Variants in SMCHD1 observed in about 807,000 individuals in gnomAD.
The protein encoded by SMCHD1 is structural maintenance of chromosomes flexible hinge domain-containing protein 1.
SMCHD1 carries 78 observed loss-of-function variants against 254.7 expected under a neutral mutation model. That is an observed-to-expected ratio of 0.31 (90% CI 0.26 to 0.37). The LOEUF (loss-of-function observed/expected upper bound fraction) is 0.37. SMCHD1 is among the 10% of genes least tolerant of loss of function. SMCHD1 has a pLI of 1.00. For missense variants in SMCHD1, 1,840 were observed against 2,408.1 expected (o/e 0.76, Z 4.94); for synonymous variants, 766 against 794.9 (o/e 0.96, Z 0.61).
Position 2,682,522 on chromosome 18 carries a change from A to G in SMCHD1, c.639-5872A>G, listed in dbSNP as rs533984412. On this transcript the variant is annotated intron_variant, in intron 5 of 47. Coordinates refer to ENST00000320876, the MANE Select transcript of SMCHD1 (RefSeq NM_015295.3). ...CTTTTAGTAGAGGTGAGGTTTCACT[A>G]TGTTGGCCAGGCTAGTCTTGAACTC... Among the ~76,000 whole-genome samples, 13 of 152,170 alleles carry G rather than the reference A, an allele frequency of 8.5e-5. No individual in the cohort carries two copies. In the East Asian group the frequency reaches 2.3e-3, roughly 27 times the overall value.
chr18:2,772,301 C>G lies in SMCHD1; in HGVS notation c.5104C>G (p.Leu1702Val). The G allele has an allele frequency of 1.2e-6, 2 of 1,607,696 alleles. No homozygotes were observed. The highest frequency in any genetic ancestry group is 1.7e-6 in the Non-Finnish European group (2 of 1,177,616). ...AAGAAAGCTATCAGAACAAGAAGAA[C>G]TGAAGAAAAAACCTAGAAGATCGTG... ...LKRKLSEQEE[L>V]KKKPRRSCTL... The change falls in exon 41 of 48, where the codon CTG becomes GTG. Residue 1702 changes from leucine (L) to valine (V), a missense_variant. Around this residue, in one of 9 missense-constraint regions of SMCHD1, gnomAD observed 881 missense variants for 1,009.5 expected, o/e 0.87. Transcript: ENST00000320876.
At chr18:2,709,815 A>C (rs939585399) in intron 17 of SMCHD1, among the ~76,000 whole-genome samples, 1 of 152,156 alleles carries the variant, frequency 6.6e-6, no homozygotes, top group Non-Finnish European at 1.5e-5. Context: ...TTATCAGATA[A>C]ATGATTTACA....
At chr18:2,666,819 T>C in intron 2 of SMCHD1, 51 bp from the exon 3 acceptor site, 1 of 1,427,138 alleles carries the variant, frequency 7.0e-7, no homozygotes, top group Non-Finnish European at 9.6e-7. Context: ...TATAAGTTCA[T>C]TGAGTTTCTG....
intron 17 of SMCHD1, among the ~76,000 whole-genome samples, chr18:2,714,867 A>G (rs1168773184): frequency 1.3e-5 from 2 of 152,028 alleles, no homozygotes; most frequent in African/African-American, 2.4e-5. Context: ...TACCCCCAGC[A>G]CTTTGAAAAC....
At chr18:2,685,143 A>G (rs1184787240) in intron 5 of SMCHD1, among the ~76,000 whole-genome samples, 1 of 103,076 alleles carries the variant, frequency 9.7e-6, no homozygotes, top group Non-Finnish European at 1.8e-5. Context: ...TCTTTTGCCC[A>G]GGCCGGACTG....
chr18:2,746,950 A>G (rs2075465114), intron 29 of SMCHD1, among the ~76,000 whole-genome samples: 1 of 152,192 alleles, frequency 6.6e-6, no homozygotes, highest in African/African-American at 2.4e-5. Context: ...AATCAGCAAG[A>G]CAGTGTAGAT....
intron 30 of SMCHD1, among the ~76,000 whole-genome samples, chr18:2,748,376 G>GTATA (rs762343246): frequency 1.4e-4 from 4 of 27,988 alleles, no homozygotes; most frequent in East Asian, 1.4e-3. Context: ...GTGTGTGTGT[G>GTATA]TGTGTGTATA....
intron 12 of SMCHD1, chr18:2,702,081 G>T (rs2074413018): frequency 1.3e-5 from 2 of 151,708 alleles, no homozygotes; most frequent in Admixed American, 1.3e-4. Flanking sequence ...TGAGCAGTGG[G>T]TGTTTTCAAA....
At chr18:2,769,663 G>A (rs2075939634) in intron 37 of SMCHD1, 31 bp from the exon 38 acceptor site, 1 of 1,566,680 alleles carries the variant, frequency 6.4e-7, no homozygotes, top group Non-Finnish European at 8.7e-7. Context: ...TTTAAATCTT[G>A]TTTTCCCCTA....
chr18:2,690,118 TAAA>T lies in SMCHD1; in HGVS notation c.873+1374_873+1376del, dbSNP rs34977623. On this transcript the variant is annotated intron_variant, in intron 7 of 47. Transcript: ENST00000320876. ...ACTTTATAGAAAAGCCTAAGGAAGA[TAAA>T]AATACTCCCAAGTCCTAGAGAAGCC... 3.3e-3 allele frequency among the ~76,000 whole-genome samples: 502 copies of T among 152,276 alleles called. 2 individuals are homozygous for T. The highest frequency in any genetic ancestry group is 5.1e-3 in the Non-Finnish European group (348 of 67,998).
At chr18:2,658,860 A>G (rs1317984231) in intron 1 of SMCHD1, among the ~76,000 whole-genome samples, 1 of 150,786 alleles carries the variant, frequency 6.6e-6, no homozygotes, top group Non-Finnish European at 1.5e-5. Flanking sequence ...GTATATATAC[A>G]TATATATACA....
intron 25 of SMCHD1, among the ~76,000 whole-genome samples, chr18:2,734,795 C>T (rs1001699438): frequency 6.6e-6 from 1 of 151,798 alleles, no homozygotes; most frequent in Admixed American, 6.6e-5. Flanking sequence ...ACGGGCCAGG[C>T]GTGGTGGCTC....
intron 10 of SMCHD1, among the ~76,000 whole-genome samples, chr18:2,698,726 G>A (rs1008845421): frequency 5.3e-5 from 8 of 151,424 alleles, no homozygotes; most frequent in African/African-American, 1.9e-4. Context: ...TTTTCTATGT[G>A]GTATTCATAT....
At chr18:2,658,867 TACACACATACACAC>T in intron 1 of SMCHD1, among the ~76,000 whole-genome samples, 1 of 150,520 alleles carries the variant, frequency 6.6e-6, no homozygotes, top group Non-Finnish European at 1.5e-5. Flanking sequence ...TACATATATA[TACACACATACACAC>T]ATATATACAC....
chr18:2,769,946 T>G, intron 38 of SMCHD1, 43 bp from the exon 39 acceptor site: 1 of 1,543,824 alleles, frequency 6.5e-7, no homozygotes, highest in Non-Finnish European at 8.7e-7. Context: ...TTTAGAAAAG[T>G]CAGTTTTTAA....
chr18:2,688,285 G>A (rs911099332), intron 5 of SMCHD1, 109 bp from the exon 6 acceptor site: 8 of 717,724 alleles, frequency 1.1e-5, no homozygotes, highest in African/African-American at 1.8e-5. Context: ...TCAGTTAGGG[G>A]TGTTTGCAGG....
At chr18:2,656,641 C>G (rs979929776) in intron 1 of SMCHD1, among the ~76,000 whole-genome samples, 1 of 152,184 alleles carries the variant, frequency 6.6e-6, no homozygotes, top group Non-Finnish European at 1.5e-5. Flanking sequence ...TTTTTTAAAA[C>G]GAGAGAAGGG....
intron 37 of SMCHD1, among the ~76,000 whole-genome samples, chr18:2,767,736 C>T (rs2075895362): frequency 1.3e-5 from 2 of 151,618 alleles, no homozygotes; most frequent in East Asian, 1.9e-4. Flanking sequence ...ACTACAGGCG[C>T]GTGCCCACCA....
Position 2,674,001 on chromosome 18 carries a change from A to AT in SMCHD1, c.508-10dup, listed in dbSNP as rs1178234953. The AT allele has an allele frequency of 5.8e-6, 9 of 1,562,892 alleles. No homozygotes were observed. Among genetic ancestry groups the AT allele is most frequent in the Middle Eastern group, 3.3e-4 (2 of 5,990 alleles). On this transcript the variant is annotated splice_polypyrimidine_tract_variant and intron_variant, in intron 4 of 47. Coordinates refer to ENST00000320876, the MANE Select transcript of SMCHD1 (RefSeq NM_015295.3). ...TGACTTTTCCTGTCTTTTTGAACTT[A>AT]TTTTGTTTCATAGCTTTTTGATGAA...
Sources: allele counts gnomAD v4.1 joint callset (sites outside exome capture counted in the v4.1 genomes callset), GRCh38; gene constraint gnomAD v4.1.1; regional missense constraint gnomAD v4.1.1; transcripts MANE v1.5; gene names NCBI Gene and HGNC (gene_info 2026-07-23, HGNC 2026-07-21).